ASIC2: variants seen among roughly 807,000 people sequenced by gnomAD.
ASIC2 encodes the protein acid-sensing ion channel 2.
A neutral mutation model predicts 57.3 loss-of-function variants in ASIC2; 25 were observed. The observed-to-expected ratio is 0.44, with a 90% CI of 0.32 to 0.61. The LOEUF is 0.61. Among genes scored for constraint, ASIC2 ranks in the 20% least tolerant of loss-of-function variants. ASIC2 has a pLI of 0.06. For missense variants in ASIC2, 641 were observed against 738.1 expected, an observed-to-expected ratio of 0.87 and a Z score of 1.52; for synonymous variants, 319 against 307.5, an observed-to-expected ratio of 1.04 and a Z score of -0.39.
At chr17:33,555,766 C>A (rs1270060082) in intron 1 of ASIC2, among the ~76,000 whole-genome samples, 1 of 152,206 alleles carries the variant, frequency 6.6e-6, no homozygotes, top group African/African-American at 2.4e-5. Context: ...GAATTCAAAG[C>A]AATCATGGAA....
chr17:33,888,530 G>A (rs982783576), intron 1 of ASIC2, among the ~76,000 whole-genome samples: 7 of 152,080 alleles, frequency 4.6e-5, no homozygotes, highest in African/African-American at 1.2e-4. Flanking sequence ...GAACATTACT[G>A]ACCACGTGGA....
chr17:33,713,819 C>A (rs1433908866), intron 1 of ASIC2, among the ~76,000 whole-genome samples: 3 of 152,342 alleles, frequency 2.0e-5, no homozygotes, highest in East Asian at 1.9e-4. Flanking sequence ...CTCCTGTAAT[C>A]CCCTGGGATC....
At chr17:33,373,703 A>T (rs558913738) in intron 1 of ASIC2, among the ~76,000 whole-genome samples, 2 of 151,756 alleles carry the variant, frequency 1.3e-5, no homozygotes, top group African/African-American at 4.8e-5. Flanking sequence ...TCTCAGATGG[A>T]GTCTTGCTCT....
At chr17:34,006,521 C>G (rs1188508711) in intron 1 of ASIC2, 1 of 152,212 alleles carries the variant, frequency 6.6e-6, no homozygotes, top group African/African-American at 2.4e-5. Context: ...ACCTGAAAAT[C>G]AGACTCATAT....
intron 1 of ASIC2, among the ~76,000 whole-genome samples, chr17:34,019,425 A>G (rs1469363814): frequency 6.6e-6 from 1 of 152,198 alleles, no homozygotes; most frequent in African/African-American, 2.4e-5. Flanking sequence ...CAATCACTGC[A>G]GCAAACTTCA....
At chr17:33,865,528 T>C (rs1406378323) in intron 1 of ASIC2, among the ~76,000 whole-genome samples, 1 of 152,200 alleles carries the variant, frequency 6.6e-6, no homozygotes. Context: ...TGTTCTAACC[T>C]AAATGAGATA....
intron 1 of ASIC2, among the ~76,000 whole-genome samples, chr17:33,878,310 G>T (rs562502353): frequency 1.3e-5 from 2 of 152,148 alleles, no homozygotes; most frequent in Non-Finnish European, 2.9e-5. Flanking sequence ...AAACTACTCT[G>T]AGCTAAAGGA....
chr17:33,762,497 C>T (rs1910814435), intron 1 of ASIC2, among the ~76,000 whole-genome samples: 1 of 152,100 alleles, frequency 6.6e-6, no homozygotes, highest in African/African-American at 2.4e-5. Context: ...GATGACCAGA[C>T]CATTATAGTC....
chr17:33,173,774 T>C (rs572733090), intron 1 of ASIC2, among the ~76,000 whole-genome samples: 7 of 152,324 alleles, frequency 4.6e-5, no homozygotes, highest in African/African-American at 1.7e-4. Flanking sequence ...AGTACCTTCC[T>C]CATGGGACTG....
chr17:33,329,430 C>G (rs1469148501), intron 1 of ASIC2, among the ~76,000 whole-genome samples: 1 of 152,124 alleles, frequency 6.6e-6, no homozygotes, highest in East Asian at 1.9e-4. Flanking sequence ...GATAAGGAGG[C>G]CTGAGCTAAT....
Position 34,144,584 on chromosome 17 carries a change from T to C in ASIC2, c.555+11394A>G, listed in dbSNP as rs369814950. Among the ~76,000 whole-genome samples, 4 of 152,224 alleles carry C rather than the reference T, an allele frequency of 2.6e-5. 1 individual carries two copies. The highest frequency in any genetic ancestry group is 3.8e-4 in the East Asian group (2 of 5,198). ...GGGATAACTTTTAAAGTTTTACTTA[T>C]ATTATTTCACTCAATTGCTGCAAAC... On this transcript the variant is annotated intron_variant, in intron 1 of 9. Transcript: ENST00000359872.
chr17:33,796,540 G>T (rs1310287753), intron 1 of ASIC2, among the ~76,000 whole-genome samples: 1 of 152,134 alleles, frequency 6.6e-6, no homozygotes. Flanking sequence ...ACATTAGCTA[G>T]CCTGTATAAT....
At chr17:33,405,415 G>A (rs890282693) in intron 1 of ASIC2, among the ~76,000 whole-genome samples, 2 of 151,878 alleles carry the variant, frequency 1.3e-5, no homozygotes, top group Non-Finnish European at 2.9e-5. Flanking sequence ...ACTGGAGAGA[G>A]ATCACCCCTC....
At chr17:33,335,148 G>A (rs890180149) in intron 1 of ASIC2, among the ~76,000 whole-genome samples, 1 of 152,194 alleles carries the variant, frequency 6.6e-6, no homozygotes, top group Non-Finnish European at 1.5e-5. Context: ...AATGCAAGCA[G>A]TTAGGATAGC....
At chr17:33,722,322 G>A (rs900482344) in intron 1 of ASIC2, among the ~76,000 whole-genome samples, 1 of 152,238 alleles carries the variant, frequency 6.6e-6, no homozygotes, top group Non-Finnish European at 1.5e-5. Flanking sequence ...ATATGGAACT[G>A]TGAGTCAATT....
At position 33,024,006 on chromosome 17, in the gene ASIC2, C is replaced by T. The variant is rs199589382; in HGVS notation, c.1204G>A (p.Ala402Thr). Residue 402 changes from alanine (A) to threonine (T), a missense_variant, in exon 6 of 10, where the codon GCG becomes ACG. Ala to Thr is a moderately conservative substitution (Grantham distance 58). Transcript: ENST00000225823. ...ECAEPALGLL[A>T]EKDSNYCLCR... ...AGACAGTAATTGCTGTCCTTTTCCG[C>T]CAACAGACCTGGAGGGGAGAGTGAG... 1.0e-4 allele frequency: 163 copies of T among 1,614,066 alleles called. No individual in the cohort carries two copies. Among genetic ancestry groups the T allele is most frequent in the Non-Finnish European group, 1.2e-4 (145 of 1,179,994 alleles).
chr17:33,646,722 G>T (rs1906752679), intron 1 of ASIC2, among the ~76,000 whole-genome samples: 1 of 152,200 alleles, frequency 6.6e-6, no homozygotes, highest in Non-Finnish European at 1.5e-5. Context: ...GTCGGTGAGG[G>T]ATCATCCCTG....
intron 1 of ASIC2, among the ~76,000 whole-genome samples, chr17:33,741,454 C>T (rs1384831156): frequency 2.0e-5 from 3 of 152,286 alleles, no homozygotes; most frequent in Middle Eastern, 6.8e-3. Flanking sequence ...TTTTTACATG[C>T]GTGAGCCTGC....
intron 1 of ASIC2, among the ~76,000 whole-genome samples, chr17:33,244,283 A>T (rs1908613532): frequency 6.6e-6 from 1 of 152,280 alleles, no homozygotes; most frequent in South Asian, 2.1e-4. Flanking sequence ...TGCTATTTAC[A>T]TTGGAAAGGC....
Sources: allele counts gnomAD v4.1 joint callset (sites outside exome capture counted in the v4.1 genomes callset), GRCh38; gene constraint gnomAD v4.1.1; transcripts MANE v1.5; gene names NCBI Gene and HGNC (gene_info 2026-07-23, HGNC 2026-07-21).